The following TGM3 variants were observed in gnomAD, a reference collection of about 807,000 sequenced individuals.
TGM3 encodes transglutaminase 3.
TGM3 carries 52 observed loss-of-function variants against 73.8 expected under a neutral mutation model. The ratio of observed to expected loss-of-function variants is 0.70; its 90% CI spans 0.56 to 0.89. The LOEUF is 0.89. TGM3 is among the 40% of genes least tolerant of loss of function. TGM3 has a pLI of 0.00. For missense variants in TGM3, 928 were observed against 909.9 expected (o/e 1.02, Z -0.26); for synonymous variants, 372 against 354.9 (o/e 1.05, Z -0.54).
chr20:2,309,638 T>C lies in TGM3; in HGVS notation c.8-19T>C. ...TCCCTTGCCTCCTAGGACTTCAGGT[T>C]CTCCTTTCTGCCTCACAGCTCTAGG... On this transcript the variant is annotated intron_variant, in intron 1 of 12. Coordinates refer to ENST00000381458, the MANE Select transcript of TGM3 (RefSeq NM_003245.4). 1 of 1,612,578 alleles carries C rather than the reference T, an allele frequency of 6.2e-7. No individual in the cohort carries two copies. Among genetic ancestry groups the C allele is most frequent in the Non-Finnish European group, 8.5e-7 (1 of 1,179,444 alleles).
At chr20:2,339,524 T>C (rs1044692736) in intron 11 of TGM3, among the ~76,000 whole-genome samples, 3 of 152,058 alleles carry the variant, frequency 2.0e-5, no homozygotes, top group African/African-American at 4.8e-5. Context: ...GAGCCCACAG[T>C]GGGGTTGGGC....
In TGM3 at chr20:2,310,422, G is replaced by A; in HGVS notation, c.421+5G>A. On this transcript the variant is annotated splice_donor_5th_base_variant and intron_variant, in intron 3 of 12. Transcript: ENST00000381458. ...TTTTTAACCCCTGGCTGAATGGTAG[G>A]TGTCTAGCCACCCACACTCTCAGCC... 6.2e-7 allele frequency: 1 copy of A among 1,613,954 alleles called. No homozygotes were observed. The highest frequency in any genetic ancestry group is 8.5e-7 in the Non-Finnish European group (1 of 1,179,864).
At chr20:2,339,713 C>T in intron 11 of TGM3, 141 bp from the exon 12 acceptor site, 1 of 1,126,790 alleles carries the variant, frequency 8.9e-7, no homozygotes, top group South Asian at 1.5e-5. Flanking sequence ...TGCCTGGCAC[C>T]TAGGAGGGCT....
chr20:2,298,028 A>ACTG (rs772356012), intron 1 of TGM3, among the ~76,000 whole-genome samples: 2 of 42,506 alleles, frequency 4.7e-5, no homozygotes, highest in Non-Finnish European at 1.5e-4. Flanking sequence ...GACTCTGAAA[A>ACTG]ATGGTCACAG....
At chr20:2,336,562 G>A (rs972213893) in intron 11 of TGM3, among the ~76,000 whole-genome samples, 1 of 149,808 alleles carries the variant, frequency 6.7e-6, no homozygotes, top group Non-Finnish European at 1.5e-5. Flanking sequence ...AAGGGCAGGG[G>A]GATCTAGGAT....
At chr20:2,306,058 T>G (rs214799) in intron 1 of TGM3, among the ~76,000 whole-genome samples, 113,579 of 151,936 alleles carry the variant, frequency 0.75, 44,027 homozygotes, top group East Asian at 0.93. Flanking sequence ...TTCTTTTTCA[T>G]CCTCTCTAGG....
chr20:2,328,168 A>G lies in TGM3; in HGVS notation c.1136A>G (p.Asp379Gly), dbSNP rs758601852. Residue 379 changes from aspartate (D) to glycine (G), a missense_variant, in exon 9 of 13, where the codon GAT becomes GGT. By Grantham distance (94) the Asp-to-Gly change is moderately conservative (BLOSUM62 -1). Coordinates refer to ENST00000381458, the MANE Select transcript of TGM3 (RefSeq NM_003245.4). The surrounding 1 kb of genome is among the most constrained non-coding windows in gnomAD (Gnocchi z 5.2). ...PASVIGVREG[D>G]VQLNFDMPFI... is the part of the protein sequence containing the mutation. ...TCGGTCATTGGTGTTCGAGAGGGTG[A>G]TGTGCAGCTGAACTTCGACATGCCC... is the stretch of plus-strand genomic sequence containing the variant. 6.2e-7 allele frequency: 1 copy of G among 1,614,134 alleles called. No homozygotes were observed.
At chr20:2,306,472 C>CT (rs33929365) in intron 1 of TGM3, among the ~76,000 whole-genome samples, 1,663 of 129,576 alleles carry the variant, frequency 0.013, 17 homozygotes, top group African/African-American at 0.023. Context: ...CTTTTCCTTT[C>CT]TTTTTTTTTT....
In TGM3 at chr20:2,334,318, C is replaced by G. The variant is rs1286681323; in HGVS notation, c.1643-798C>G. 6.6e-6 allele frequency among the ~76,000 whole-genome samples: 1 copy of G among 152,154 alleles called. No homozygotes were observed. The highest frequency in any genetic ancestry group is 1.5e-5 in the Non-Finnish European group (1 of 68,026). ...CCAGGTTGAGGGGTCTGAACTTTAT[C>G]TAAGGCAATGAGGAGCCACGGAAGA... On this transcript the variant is annotated intron_variant, in intron 10 of 12. Coordinates refer to ENST00000381458, the MANE Select transcript of TGM3 (RefSeq NM_003245.4). This position sits in a 1 kb window ranked among gnomAD's most constrained non-coding sequence, Gnocchi z 4.0.
chr20:2,296,745 G>T (rs764895440), intron 1 of TGM3, among the ~76,000 whole-genome samples: 2 of 152,098 alleles, frequency 1.3e-5, no homozygotes, highest in African/African-American at 2.4e-5. Context: ...GGAAGTGCAG[G>T]TTCCCCCACT....
chr20:2,313,063 C>T (rs1252462009), intron 5 of TGM3, 37 bp downstream of exon 5: 1 of 1,613,110 alleles, frequency 6.2e-7, no homozygotes, highest in East Asian at 2.2e-5. Flanking sequence ...TAGTTGTCAT[C>T]ATATATTGAA....
rs1377115370 is a variant in TGM3, at chr20:2,334,639, A to T, written c.1643-477A>T. Among the ~76,000 whole-genome samples the T allele has an allele frequency of 6.6e-6, 1 of 152,116 alleles. No individual in the cohort carries two copies. Among genetic ancestry groups the T allele is most frequent in the African/African-American group, 2.4e-5 (1 of 41,438 alleles). ...AATCAGGTGGCATTTGTATTCTTCC[A>T]CTGCCCCTCAGAAGGACACTTGTGG... On this transcript the variant is annotated intron_variant, in intron 10 of 12. Coordinates refer to ENST00000381458, the MANE Select transcript of TGM3 (RefSeq NM_003245.4). The surrounding 1 kb of genome is among the most constrained non-coding windows in gnomAD (Gnocchi z 4.0).
chr20:2,331,005 C>CAAAAAAA (rs59627856), intron 9 of TGM3, among the ~76,000 whole-genome samples: 29 of 65,434 alleles, frequency 4.4e-4, no homozygotes, highest in Middle Eastern at 0.012. Flanking sequence ...GACCCTGTCA[C>CAAAAAAA]AAAAAAAAAA....
chr20:2,336,062 T>C (rs1305136104), intron 11 of TGM3, among the ~76,000 whole-genome samples: 1 of 152,216 alleles, frequency 6.6e-6, no homozygotes, highest in Non-Finnish European at 1.5e-5. Context: ...TCCTTTACTT[T>C]GCAGCATTCA....
intron 7 of TGM3, among the ~76,000 whole-genome samples, chr20:2,318,813 A>T (rs538208358): frequency 1.4e-4 from 22 of 152,328 alleles, no homozygotes; most frequent in African/African-American, 5.3e-4. Flanking sequence ...AATGTGCTTA[A>T]TGTAACTAAG....
intron 1 of TGM3, among the ~76,000 whole-genome samples, chr20:2,304,306 G>C (rs950156145): frequency 6.6e-6 from 1 of 152,178 alleles, no homozygotes; most frequent in African/African-American, 2.4e-5. Context: ...CGATGACTGA[G>C]GGAGGCAGCC....
chr20:2,318,755 G>A lies in TGM3; in HGVS notation c.983+1270G>A, dbSNP rs1674639152. On this transcript the variant is annotated intron_variant, in intron 7 of 12. Coordinates refer to ENST00000381458, the MANE Select transcript of TGM3 (RefSeq NM_003245.4). ...AATTTTGAGATAGTCTACATAAAAT[G>A]TTTGTATTACTTATCATTCCCAGAA... 2.6e-5 allele frequency among the ~76,000 whole-genome samples: 4 copies of A among 152,160 alleles called. No individual in the cohort carries two copies. In the South Asian group the frequency reaches 6.2e-4, roughly 24 times the overall value.
At chr20:2,335,452 C>T (rs992899542) in intron 11 of TGM3, among the ~76,000 whole-genome samples, 179 bp downstream of exon 11, 1 of 152,220 alleles carries the variant, frequency 6.6e-6, no homozygotes, top group Non-Finnish European at 1.5e-5. Context: ...TAGCCAAGAG[C>T]TCCCACTCAG....
At chr20:2,305,929 T>C (rs1362535442) in intron 1 of TGM3, among the ~76,000 whole-genome samples, 2 of 152,238 alleles carry the variant, frequency 1.3e-5, no homozygotes, top group African/African-American at 4.8e-5. Context: ...AAACTTCAAC[T>C]AATAGTATGA....
Sources: allele counts gnomAD v4.1 joint callset (sites outside exome capture counted in the v4.1 genomes callset), GRCh38; gene constraint gnomAD v4.1.1; non-coding constraint Gnocchi (gnomAD v3.1); transcripts MANE v1.5; gene names NCBI Gene and HGNC (gene_info 2026-07-23, HGNC 2026-07-21).